GALR1: variants seen among roughly 807,000 people sequenced by gnomAD.
The protein encoded by GALR1 is galanin receptor type 1.
A neutral mutation model predicts 17.9 loss-of-function variants in GALR1; 11 were observed. The observed-to-expected ratio is 0.62, with a 90% CI of 0.39 to 1.02. The LOEUF (loss-of-function observed/expected upper bound fraction) is 1.02. GALR1 is among the 50% of genes least tolerant of loss of function. GALR1 has a pLI of 0.01. For synonymous variants in GALR1, 206 were observed against 205.7 expected (o/e 1.00, Z -0.01); for missense variants, 441 against 456.9 (o/e 0.97, Z 0.32).
Position 77,276,056 on chromosome 18 carries a change from A to G in GALR1, c.*7154A>G, listed in dbSNP as rs1049227789. The G allele has an allele frequency of 8.5e-5, 13 of 152,110 alleles. No individual in the cohort carries two copies. The highest frequency in any genetic ancestry group is 2.7e-4 in the African/African-American group (11 of 41,424). 9.4% of individuals were successfully genotyped at this position (152,110 alleles called of 1,614,324 possible). On this transcript the variant is annotated 3_prime_UTR_variant, in exon 3 of 3. Transcript: ENST00000299727. ...TTGAAGTGAAATTGGATTATAATTT[A>G]GAAATATTTATAAGCCAGAAATGGT...
rs1005350334 is a variant in GALR1 at position 77,273,756 on chromosome 18, C to T, written c.*4854C>T. On this transcript the variant is annotated 3_prime_UTR_variant, in exon 3 of 3. Transcript: ENST00000299727. ...ATCTTTTCAATGTTGGCTCCATTTG[C>T]CATACTCAGACAATTGCTTGAAGAG... 5.3e-5 allele frequency: 8 copies of T among 152,162 alleles called. No individual in the cohort carries two copies. The highest frequency in any genetic ancestry group is 1.9e-4 in the African/African-American group (8 of 41,442). The allele number at this position is 152,162 out of a possible 1,614,324, so 9.4% of individuals were successfully genotyped here.
rs201461949 is a variant in GALR1, at chr18:77,250,570, C to T, written c.22C>T (p.Leu8Phe). 1.5e-4 allele frequency: 226 copies of T among 1,537,074 alleles called. 1 individual carries two copies. The African/African-American group carries it at 2.6e-3, about 17-fold the overall frequency. Reference protein sequence around the residue: MELAVGNLSEGNASWPEP... With the variant: MELAVGNFSEGNASWPEP... ...GGCCATGGAGCTGGCGGTCGGGAAC[C>T]TCAGCGAGGGCAACGCGAGCTGGCC... Residue 8 changes from leucine (L) to phenylalanine (F), a missense_variant, in exon 1 of 3, where the codon CTC becomes TTC. Coordinates refer to ENST00000299727, the MANE Select transcript of GALR1 (RefSeq NM_001480.4).
At chr18:77,251,385 T>C (rs1912413256) in intron 1 of GALR1, among the ~76,000 whole-genome samples, 171 bp downstream of exon 1, 1 of 152,238 alleles carries the variant, frequency 6.6e-6, no homozygotes, top group South Asian at 2.1e-4. Context: ...TCCTGGCCGC[T>C]GCTGGAGCGT....
chr18:77,259,426 G>GTGA (rs1912766723), intron 2 of GALR1, among the ~76,000 whole-genome samples: 2 of 149,920 alleles, frequency 1.3e-5, no homozygotes, highest in African/African-American at 5.0e-5. Flanking sequence ...GGTGATGATG[G>GTGA]TCATGGTGGT....
At chr18:77,267,872 GGT>G (rs1265223000) in intron 2 of GALR1, among the ~76,000 whole-genome samples, 1 of 152,176 alleles carries the variant, frequency 6.6e-6, no homozygotes, top group African/African-American at 2.4e-5. Flanking sequence ...GAGCATAGGA[GGT>G]TGATGTCCTC....
intron 2 of GALR1, among the ~76,000 whole-genome samples, chr18:77,258,763 AATTGTGATAGTGATGG>A (rs1568141437): frequency 6.2e-5 from 3 of 48,292 alleles, no homozygotes; most frequent in African/African-American, 2.4e-4. Context: ...TGATGATGGC[AATTGTGATAGTGATGG>A]TGGTGGTGGT....
rs1296242530 is a variant in GALR1, at chr18:77,272,176, A to T, written c.*3274A>T. ...CAGATAAATTCATCTTTCAGCGCAG[A>T]TATAACAAATCAGAGTGGGGAGGAG... On this transcript the variant is annotated 3_prime_UTR_variant, in exon 3 of 3. Coordinates refer to ENST00000299727, the MANE Select transcript of GALR1 (RefSeq NM_001480.4). 6.6e-6 allele frequency: 1 copy of T among 152,234 alleles called. No homozygotes were observed. The highest frequency in any genetic ancestry group is 1.9e-4 in the East Asian group (1 of 5,202). 9.4% of individuals were successfully genotyped at this position (152,234 alleles called of 1,614,324 possible).
At chr18:77,262,209 T>C (rs1912846526) in intron 2 of GALR1, among the ~76,000 whole-genome samples, 1 of 147,730 alleles carries the variant, frequency 6.8e-6, no homozygotes, top group African/African-American at 2.5e-5. Context: ...GAGGTATAGC[T>C]ATCCGAATTA....
In GALR1 at chr18:77,252,995, C is replaced by CCAT. The variant is rs1568139241; in HGVS notation, c.666+1783_666+1784insTCA. ...ATCACCACCATCACCACCATCACCA[C>CCAT]CACCACCACCACCACCACCACCACC... On this transcript the variant is annotated intron_variant, in intron 1 of 2. Transcript: ENST00000299727. 2.2e-3 allele frequency among the ~76,000 whole-genome samples: 94 copies of CCAT among 43,682 alleles called. 4 individuals carry two copies. Among genetic ancestry groups the CCAT allele is most frequent in the Non-Finnish European group, 3.1e-3 (55 of 17,734 alleles). 28.7% of individuals were successfully genotyped at this position (43,682 alleles called of 152,430 possible).
Position 77,250,652 on chromosome 18 carries a change from T to C in GALR1, c.104T>C (p.Val35Ala). ...PLFGIGVENF[V>A]TLVVFGLIFA... ...TTCGGCATCGGCGTGGAGAACTTCG[T>C]CACGCTGGTGGTGTTCGGCCTGATC... The change falls in exon 1 of 3, where the codon GTC becomes GCC. Residue 35 changes from valine (V) to alanine (A), a missense_variant. By Grantham distance (64) the Val-to-Ala change is moderately conservative. Transcript: ENST00000299727. The C allele has an allele frequency of 6.2e-7, 1 of 1,607,418 alleles. No homozygotes were observed. Among genetic ancestry groups the C allele is most frequent in the Non-Finnish European group, 8.5e-7 (1 of 1,177,828 alleles).
At position 77,270,544 on chromosome 18, in the gene GALR1, G is replaced by GTGTT; in HGVS notation, c.*1645_*1646insTTGT. 3 of 151,876 alleles carry GTGTT rather than the reference G, an allele frequency of 2.0e-5. No individual in the cohort carries two copies. The highest frequency in any genetic ancestry group is 4.4e-5 in the Non-Finnish European group (3 of 67,922). The allele number at this position is 151,876 out of a possible 1,614,324, so 9.4% of individuals were successfully genotyped here. A position where few individuals can be genotyped will look rare whatever the true frequency, so the allele number is the denominator to read the frequency against. On this transcript the variant is annotated 3_prime_UTR_variant, in exon 3 of 3. Transcript: ENST00000299727. ...TATATATATATGTGTGTGTGTGTGT[G>GTGTT]TGTGTGTGTGTGTGTGTGTAATGTA... is the stretch of plus-strand genomic sequence containing the variant.
chr18:77,274,654 G>A lies in GALR1; in HGVS notation c.*5752G>A, dbSNP rs1913121436. 1 of 152,308 alleles carries A rather than the reference G, an allele frequency of 6.6e-6. No homozygotes were observed. Among genetic ancestry groups the A allele is most frequent in the Admixed American group, 6.5e-5 (1 of 15,296 alleles). The allele number at this position is 152,308 out of a possible 1,614,324, so 9.4% of individuals were successfully genotyped here. A position where few individuals can be genotyped will look rare whatever the true frequency, so the allele number is the denominator to read the frequency against. ...GCTGGGAGGGTGCAGAAATGAAGCT[G>A]ATGGCAGAAGCAGGCTCCCAGCTCC... On this transcript the variant is annotated 3_prime_UTR_variant, in exon 3 of 3. Transcript: ENST00000299727.
intron 2 of GALR1, among the ~76,000 whole-genome samples, chr18:77,261,958 G>A (rs1912839028): frequency 6.6e-6 from 1 of 152,012 alleles, no homozygotes; most frequent in East Asian, 1.9e-4. Context: ...TGCATAGCTG[G>A]GACTACACGT....
intron 1 of GALR1, among the ~76,000 whole-genome samples, chr18:77,254,950 A>C (rs1912553031): frequency 2.0e-5 from 3 of 152,208 alleles, no homozygotes; most frequent in South Asian, 2.1e-4. Context: ...GTTCACCTGC[A>C]TAGGGCCTGG....
At chr18:77,252,965 C>CCAT (rs1568139186) in intron 1 of GALR1, among the ~76,000 whole-genome samples, 12 of 49,646 alleles carry the variant, frequency 2.4e-4, no homozygotes, top group East Asian at 4.5e-4. Flanking sequence ...ACCATCACCA[C>CCAT]CACCATCACC....
Position 77,268,730 on chromosome 18 carries a change from A to G in GALR1, c.878A>G (p.Tyr293Cys). 1 of 1,614,186 alleles carries G rather than the reference A, an allele frequency of 6.2e-7. No homozygotes were observed. Among genetic ancestry groups the G allele is most frequent in the Non-Finnish European group, 8.5e-7 (1 of 1,180,040 alleles). Residue 293 changes from tyrosine (Y) to cysteine (C), a missense_variant, in exon 3 of 3, where the codon TAC (tyrosine) becomes TGC (cysteine). Transcript: ENST00000299727. ...LFRITAHCLAYSNSSVNPIIY... is the reference protein window; with the variant it reads ...LFRITAHCLACSNSSVNPIIY... Reference sequence around the variant, plus strand: ...AGAATCACCGCCCACTGCCTGGCGTACAGCAATTCCTCCGTGAATCCTATC... The same window carrying G: ...AGAATCACCGCCCACTGCCTGGCGTGCAGCAATTCCTCCGTGAATCCTATC...
In GALR1 at chr18:77,271,243, GAA is replaced by G. The variant is rs1384131467; in HGVS notation, c.*2343_*2344del. ...GTACAAAAAGTAATAGCTTGCGCTT[GAA>G]ACCCCCCCCCCCCCGCCACTTTGCT... is the stretch of plus-strand genomic sequence containing the variant. On this transcript the variant is annotated 3_prime_UTR_variant, in exon 3 of 3. Transcript: ENST00000299727. 1 of 80,694 alleles carries G rather than the reference GAA, an allele frequency of 1.2e-5. No individual in the cohort carries two copies. The highest frequency in any genetic ancestry group is 2.2e-5 in the Non-Finnish European group (1 of 44,468). 5.0% of individuals were successfully genotyped at this position (80,694 alleles called of 1,614,324 possible).
rs1913001651 is a variant in GALR1, at chr18:77,268,842, T to C, written c.990T>C (p.Asp330=). 6 of 1,613,864 alleles carry C rather than the reference T, an allele frequency of 3.7e-6. No individual in the cohort carries two copies. Among genetic ancestry groups the C allele is most frequent in the Non-Finnish European group, 5.1e-6 (6 of 1,179,808 alleles). The change falls in exon 3 of 3, where the codon GAT becomes GAC. Residue 330 remains aspartate, a synonymous_variant. Coordinates refer to ENST00000299727, the MANE Select transcript of GALR1 (RefSeq NM_001480.4). The part of the protein sequence containing the change: ...CHIRKDSHLS[D]TKESKSRIDT... ...TTCGCAAAGATTCACACCTGAGTGATACTAAAGAAAGTAAAAGTCGAATAG... is the reference window on the plus strand; with the variant it reads ...TTCGCAAAGATTCACACCTGAGTGACACTAAAGAAAGTAAAAGTCGAATAG...
rs115256100 is a variant in GALR1 at position 77,255,599 on chromosome 18, A to G, written c.667-559A>G. Among the ~76,000 whole-genome samples the G allele has an allele frequency of 7.7e-3, 1,179 of 152,328 alleles. 12 individuals carry two copies. The highest frequency in any genetic ancestry group is 0.027 in the African/African-American group (1,110 of 41,566). The stretch of plus-strand genomic sequence containing the variant: ...GCCCATAAGAGGAAGGAGAAAGAAT[A>G]TTTTGGCACAAACGCTGGCAATATT... On this transcript the variant is annotated intron_variant, in intron 1 of 2. Coordinates refer to ENST00000299727, the MANE Select transcript of GALR1 (RefSeq NM_001480.4).
Sources: gnomAD v4.1 joint callset for allele counts (sites outside exome capture counted in the v4.1 genomes callset) on GRCh38, gnomAD v4.1.1 for gene constraint, MANE v1.5 for transcripts, NCBI Gene and HGNC (gene_info 2026-07-23, HGNC 2026-07-21) for gene names.